Variants in CPLANE1 observed in about 807,000 individuals in gnomAD.
CPLANE1 encodes ciliogenesis and planar polarity effector complex subunit 1, also known as ciliogenesis and planar polarity effector 1.
A neutral mutation model predicts 362.5 loss-of-function variants in CPLANE1; 263 were observed. The observed-to-expected ratio is 0.73, with a 90% confidence interval of 0.66 to 0.80. The LOEUF (loss-of-function observed/expected upper bound fraction) is 0.80, where lower values mean the gene tolerates loss of function less well. Among genes scored for constraint, CPLANE1 ranks in the 30% least tolerant of loss-of-function variants. The pLI is 0.00. For synonymous variants in CPLANE1, 1,212 were observed against 1,302.6 expected (o/e 0.93, Z 1.50); for missense variants, 3,461 against 3,793.4 (o/e 0.91, Z 2.30).
intron 8 of CPLANE1, among the ~76,000 whole-genome samples, chr5:37,233,128 G>A (rs1798125239): frequency 6.6e-6 from 1 of 152,208 alleles, no homozygotes; most frequent in Non-Finnish European, 1.5e-5. Context: ...AATGCTCAGA[G>A]ACATTGCTCC....
At chr5:37,103,140 T>C (rs557827015), downstream of CPLANE1, among the ~76,000 whole-genome samples, 148 of 152,316 alleles carry the variant, frequency 9.7e-4, no homozygotes, top group African/African-American at 3.5e-3. Context: ...CATTATGTAA[T>C]GGCCTTCTTT....
In CPLANE1 at chr5:37,187,812, C is replaced by T; in HGVS notation, c.3842G>A (p.Trp1281Ter). The stretch of plus-strand genomic sequence containing the variant: ...TAACTTATCACGGACATGCAGCATC[C>T]AACACAGAGCACAAAGTTCTCTGAA... ...GCFRELCALC[W>*]MLHVRDKLSY... Residue 1281 changes from tryptophan (W) to a stop codon, truncating the protein, a stop_gained, in exon 22 of 53, where the codon TGG becomes TAG. Transcript: ENST00000651892. LOFTEE classifies it high-confidence loss of function. The T allele has an allele frequency of 6.2e-7, 1 of 1,613,556 alleles. No homozygotes were observed. The highest frequency in any genetic ancestry group is 1.7e-4 in the Middle Eastern group (1 of 6,058).
chr5:37,195,940 A>G lies in CPLANE1; in HGVS notation c.3729T>C (p.Asn1243=), dbSNP rs781346385. ...AAAATGCGATACCTCCTTTACAGTA[A>G]TTAAGTAATGACTGAGGAAAAGGAC... ...SLSPFPQSLL[N]YCKGGIAFFR... Residue 1243 remains asparagine (N), a synonymous_variant, in exon 21 of 53, where the codon AAT becomes AAC. Transcript: ENST00000651892. 1.2e-6 allele frequency: 2 copies of G among 1,612,466 alleles called. No homozygotes were observed. The highest frequency in any genetic ancestry group is 1.1e-5 in the South Asian group (1 of 90,762).
intron 15 of CPLANE1, among the ~76,000 whole-genome samples, chr5:37,220,386 A>G (rs1795103555): frequency 6.6e-6 from 1 of 152,212 alleles, no homozygotes; most frequent in African/African-American, 2.4e-5. Context: ...TACAGTAAAC[A>G]TCTAGCAGTC....
At chr5:37,101,668 A>T (rs1474721063), downstream of CPLANE1, among the ~76,000 whole-genome samples, 1 of 152,158 alleles carries the variant, frequency 6.6e-6, no homozygotes. Flanking sequence ...TAGTTTCAGT[A>T]AAAATGGTAC....
intron 36 of CPLANE1, among the ~76,000 whole-genome samples, 189 bp from the exon 37 acceptor site, chr5:37,164,516 T>A (rs948006750): frequency 6.6e-6 from 1 of 152,124 alleles, no homozygotes; most frequent in Admixed American, 6.5e-5. Context: ...AGAAAATACA[T>A]AAGCCAAACA....
At chr5:37,206,710 A>G (rs534738271) in intron 16 of CPLANE1, among the ~76,000 whole-genome samples, 1 of 152,268 alleles carries the variant, frequency 6.6e-6, no homozygotes, top group South Asian at 2.1e-4. Context: ...AAATAAAGGT[A>G]AATACTGTTT....
At chr5:37,239,971 G>A (rs888296751) in intron 6 of CPLANE1, 102 bp from the exon 7 acceptor site, 1 of 737,190 alleles carries the variant, frequency 1.4e-6, no homozygotes, top group African/African-American at 1.8e-5. Flanking sequence ...ATTCCTACAT[G>A]TGCACATGTA....
At chr5:37,078,050 T>A in the CPLANE1 span, among the ~76,000 whole-genome samples, 1 of 152,168 alleles carries the variant, frequency 6.6e-6, no homozygotes, top group Non-Finnish European at 1.5e-5. Context: ...AAAAAACAAT[T>A]TTTTATCTTC....
chr5:37,225,715 G>C (rs1430454653), intron 12 of CPLANE1, among the ~76,000 whole-genome samples: 1 of 151,972 alleles, frequency 6.6e-6, no homozygotes, highest in African/African-American at 2.4e-5. Flanking sequence ...AGCCAAGCGT[G>C]GTGGCAGGCG....
chr5:37,188,880 C>T (rs1381538910), intron 21 of CPLANE1, among the ~76,000 whole-genome samples: 3 of 151,944 alleles, frequency 2.0e-5, no homozygotes, highest in Admixed American at 6.6e-5. Flanking sequence ...TTTTTTGAGA[C>T]GGAGTCTTGC....
intron 16 of CPLANE1, 145 bp downstream of exon 16, chr5:37,213,410 TATTC>T (rs1793177677): frequency 2.1e-6 from 1 of 486,406 alleles, no homozygotes; most frequent in Admixed American, 4.4e-5. Context: ...TCTCAGATTC[TATTC>T]ATTCATAGTC....
At chr5:37,099,368 CTACTTA>C in the CPLANE1 span, among the ~76,000 whole-genome samples, 6 of 152,192 alleles carry the variant, frequency 3.9e-5, no homozygotes, top group Non-Finnish European at 8.8e-5. Flanking sequence ...CATTCAGCTC[CTACTTA>C]TAAGTGAGAA....
chr5:37,085,849 G>A, the CPLANE1 span: 1 of 1,203,756 alleles, frequency 8.3e-7, no homozygotes, highest in Non-Finnish European at 1.2e-6. Context: ...AGAGCAGTGG[G>A]TGAAATGGTC....
chr5:37,164,386 A>C lies in CPLANE1; in HGVS notation c.7534-59T>G, dbSNP rs1194444052. 9 of 1,318,600 alleles carry C rather than the reference A, an allele frequency of 6.8e-6. No individual in the cohort carries two copies. The Admixed American group carries it at 1.7e-4, about 25-fold the overall frequency. The allele number at this position is 1,318,600 out of a possible 1,614,324, so 81.7% of individuals were successfully genotyped here. A position where few individuals can be genotyped will look rare whatever the true frequency, so the allele number is the denominator to read the frequency against. On this transcript the variant is annotated intron_variant, in intron 36 of 52. Coordinates refer to ENST00000651892, the MANE Select transcript of CPLANE1 (RefSeq NM_001384732.1). Reference sequence around the variant, plus strand: ...AACTCAAAGATGTGTATTATTTTTGAAAAAAAAATCAATAGCTATGAAGAT... The same window carrying C: ...AACTCAAAGATGTGTATTATTTTTGCAAAAAAAATCAATAGCTATGAAGAT...
intron 38 of CPLANE1, among the ~76,000 whole-genome samples, chr5:37,161,171 T>C (rs1776761695): frequency 6.6e-6 from 1 of 152,190 alleles, no homozygotes; most frequent in Admixed American, 6.5e-5. Flanking sequence ...AGGGACATGT[T>C]TGCCATACAT....
At chr5:37,180,567 T>C (rs1326751669) in intron 27 of CPLANE1, among the ~76,000 whole-genome samples, 1 of 152,164 alleles carries the variant, frequency 6.6e-6, no homozygotes, top group Admixed American at 6.5e-5. Context: ...TTGCTTCATA[T>C]ATAAAAATGG....
intron 16 of CPLANE1, chr5:37,210,606 G>GC (rs1792316133): frequency 1.3e-6 from 2 of 1,597,762 alleles, no homozygotes; most frequent in Non-Finnish European, 1.7e-6. Flanking sequence ...GTCTGTCAAA[G>GC]CCCAGTCTTT....
chr5:37,092,816 G>A, the CPLANE1 span, among the ~76,000 whole-genome samples: 1 of 152,110 alleles, frequency 6.6e-6, no homozygotes, highest in Non-Finnish European at 1.5e-5. Flanking sequence ...GATCAGTTAC[G>A]CTGATTAGTA....
Sources: gnomAD v4.1 joint callset for allele counts (sites outside exome capture counted in the v4.1 genomes callset) on GRCh38, gnomAD v4.1.1 for gene constraint, MANE v1.5 for transcripts, NCBI Gene and HGNC (gene_info 2026-07-23, HGNC 2026-07-21) for gene names.